EPB41L1: variants seen among roughly 807,000 people sequenced by gnomAD.
EPB41L1 encodes band 4.1-like protein 1.
EPB41L1 carries 29 observed loss-of-function variants against 97.8 expected under a neutral mutation model. The observed-to-expected ratio is 0.30, with a 90% CI of 0.22 to 0.40. The LOEUF (loss-of-function observed/expected upper bound fraction) is 0.40, where lower values mean the gene tolerates loss of function less well. Among genes scored for constraint, EPB41L1 ranks in the 10% least tolerant of loss-of-function variants. The probability of loss-of-function intolerance (pLI) is 1.00; values close to 1 mark genes in which losing one functional copy is unlikely to be tolerated. For missense variants in EPB41L1, 812 were observed against 1,162.3 expected (o/e 0.70, Z 4.38); for synonymous variants, 383 against 459.2 (o/e 0.83, Z 2.12).
intron 15 of EPB41L1, among the ~76,000 whole-genome samples, chr20:36,211,386 A>G (rs1437700278): frequency 6.6e-6 from 1 of 152,090 alleles, no homozygotes; most frequent in Admixed American, 6.6e-5. Flanking sequence ...ATCTCAAAAA[A>G]CAAAACAAAA....
At chr20:36,153,382 G>T (rs974869968), upstream of EPB41L1, among the ~76,000 whole-genome samples, 12 of 152,078 alleles carry the variant, frequency 7.9e-5, no homozygotes, top group African/African-American at 2.7e-4. Flanking sequence ...AAGGATGGAG[G>T]GCTCAGCTCA....
Position 36,206,685 on chromosome 20 carries a change from T to C in EPB41L1, c.1669-2803T>C, listed in dbSNP as rs1478516403. 2 of 1,289,148 alleles carry C rather than the reference T, an allele frequency of 1.6e-6. No homozygotes were observed. The highest frequency in any genetic ancestry group is 2.0e-6 in the Non-Finnish European group (2 of 988,716). 79.9% of individuals were successfully genotyped at this position (1,289,148 alleles called of 1,614,324 possible). On this transcript the variant is annotated intron_variant, in intron 14 of 21. Coordinates refer to ENST00000338074, the MANE Select transcript of EPB41L1 (RefSeq NM_012156.2). The surrounding 1 kb of genome is among the most constrained non-coding windows in gnomAD (Gnocchi z 5.5). ...AAGGGGCAGGGACCCCCAAGAACCA[T>C]GGAGGACCTGGTGACCTGAAGGGAT...
intron 2 of EPB41L1, among the ~76,000 whole-genome samples, chr20:36,115,182 G>A (rs796402871): frequency 3.2e-4 from 49 of 152,292 alleles, no homozygotes; most frequent in African/African-American, 1.2e-3. Flanking sequence ...TATCGATGAG[G>A]AAACTGAGGC....
intron 14 of EPB41L1, chr20:36,208,205 G>A (rs2062933022): frequency 2.9e-6 from 1 of 339,972 alleles, no homozygotes; most frequent in African/African-American, 2.2e-5. Flanking sequence ...AAAGTTGACA[G>A]TCCAGAGGTT....
At chr20:36,119,949 T>C (rs917875916) in intron 2 of EPB41L1, among the ~76,000 whole-genome samples, 6 of 152,154 alleles carry the variant, frequency 3.9e-5, no homozygotes, top group Non-Finnish European at 5.9e-5. Context: ...GTGAGCCTGA[T>C]AGAGGTGAAC....
chr20:36,150,465 C>G (rs2060007748), upstream of EPB41L1: 1 of 152,146 alleles, frequency 6.6e-6, no homozygotes, highest in East Asian at 1.9e-4. Context: ...TGCTCCATAG[C>G]AACTAGCCAT....
chr20:36,138,320 A>G (rs1002277377), intron 2 of EPB41L1, among the ~76,000 whole-genome samples: 2 of 148,682 alleles, frequency 1.3e-5, no homozygotes, highest in African/African-American at 2.5e-5. Flanking sequence ...GCTGGAGTGC[A>G]GTGGCACGAT....
intron 9 of EPB41L1, among the ~76,000 whole-genome samples, chr20:36,188,984 G>C (rs2061823203): frequency 6.6e-6 from 1 of 151,948 alleles, no homozygotes; most frequent in South Asian, 2.1e-4. Context: ...GTATTTAGGT[G>C]TTGTAAGTAT....
At chr20:36,178,198 A>T (rs2281579) in intron 4 of EPB41L1, 142 bp downstream of exon 4, 9,067 of 717,478 alleles carry the variant, frequency 0.013, 349 homozygotes, top group East Asian at 0.11. Flanking sequence ...AGCCCTATCC[A>T]CCTGCGGTTC....
At chr20:36,159,487 G>A (rs184431868) in intron 1 of EPB41L1, among the ~76,000 whole-genome samples, 1 of 152,332 alleles carries the variant, frequency 6.6e-6, no homozygotes, top group East Asian at 1.9e-4. Flanking sequence ...TGCGACAGAG[G>A]TGGGGCCGGG....
At chr20:36,210,004 C>CT (rs1600986578) in intron 15 of EPB41L1, 106 bp downstream of exon 15, 2 of 1,391,772 alleles carry the variant, frequency 1.4e-6, no homozygotes, top group Admixed American at 2.1e-5. Flanking sequence ...GCCTGAAGCT[C>CT]TGTCTCGTGT....
Position 36,190,451 on chromosome 20 carries a change from G to C in EPB41L1, c.1124+77G>C. 2 of 1,551,000 alleles carry C rather than the reference G, an allele frequency of 1.3e-6. No individual in the cohort carries two copies. The highest frequency in any genetic ancestry group is 1.8e-6 in the Non-Finnish European group (2 of 1,132,538). On this transcript the variant is annotated intron_variant, in intron 10 of 21. Transcript: ENST00000338074. The surrounding 1 kb of genome is among the most constrained non-coding windows in gnomAD (Gnocchi z 5.8). Reference sequence around the variant, plus strand: ...TGGAGGGGAGCAGGGGGAGGAGTTAGTGAGAACTCTAGGAAAGTCCTCCAC... The same window carrying C: ...TGGAGGGGAGCAGGGGGAGGAGTTACTGAGAACTCTAGGAAAGTCCTCCAC...
At chr20:36,113,303 G>A (rs751422726) in intron 2 of EPB41L1, among the ~76,000 whole-genome samples, 5 of 152,180 alleles carry the variant, frequency 3.3e-5, no homozygotes, top group Non-Finnish European at 7.3e-5. Context: ...GATGTTATTA[G>A]TAAGGCACAA....
chr20:36,178,569 C>A, intron 4 of EPB41L1, 61 bp from the exon 5 acceptor site: 1 of 1,538,050 alleles, frequency 6.5e-7, no homozygotes, highest in Non-Finnish European at 9.0e-7. Flanking sequence ...ATTTCTCTCT[C>A]TCAGCCCAGT....
chr20:36,176,122 G>A (rs41335246), intron 3 of EPB41L1, among the ~76,000 whole-genome samples: 1,851 of 152,228 alleles, frequency 0.012, 33 homozygotes, highest in African/African-American at 0.043. Flanking sequence ...CCTAGTGAAT[G>A]TCCCTGTCCA....
At chr20:36,203,824 C>T (rs1181879419) in intron 14 of EPB41L1, among the ~76,000 whole-genome samples, 1 of 152,120 alleles carries the variant, frequency 6.6e-6, no homozygotes, top group Non-Finnish European at 1.5e-5. Flanking sequence ...GGTTCTGATT[C>T]CCTGACAGAG....
chr20:36,219,834 A>T lies in EPB41L1; in HGVS notation c.2429A>T (p.His810Leu). The part of the protein sequence containing the change: ...AETLSTSTTT[H>L]VTKTVKGGFS... ...ACCCTCTCAACCTCCACCACCACCC[A>T]TGTCACCAAAGTGAGTAGCAGCAGG... The change falls in exon 19 of 22, where the codon CAT (histidine) becomes CTT (leucine). Residue 810 changes from histidine to leucine, a missense_variant. Physicochemically the swap from His to Leu is moderately conservative, Grantham distance 99 (BLOSUM62 -3). Coordinates refer to ENST00000338074, the MANE Select transcript of EPB41L1 (RefSeq NM_012156.2). 1.9e-6 allele frequency: 3 copies of T among 1,614,184 alleles called. No homozygotes were observed. The highest frequency in any genetic ancestry group is 1.7e-6 in the Non-Finnish European group (2 of 1,180,012).
Position 36,229,484 on chromosome 20 carries a change from G to T in EPB41L1, c.*144G>T. On this transcript the variant is annotated 3_prime_UTR_variant, in exon 22 of 22. Coordinates refer to ENST00000338074, the MANE Select transcript of EPB41L1 (RefSeq NM_012156.2). The stretch of plus-strand genomic sequence containing the variant: ...CTGATGAGAGACTGGGAAGGGAAAA[G>T]CATATATATATAGATATATAGAGAT... 1 of 769,740 alleles carries T rather than the reference G, an allele frequency of 1.3e-6. No homozygotes were observed. Among genetic ancestry groups the T allele is most frequent in the Admixed American group, 1.9e-5 (1 of 51,676 alleles). The allele number at this position is 769,740 out of a possible 1,614,324, so 47.7% of individuals were successfully genotyped here. A position where few individuals can be genotyped will look rare whatever the true frequency, so the allele number is the denominator to read the frequency against.
intron 1 of EPB41L1, among the ~76,000 whole-genome samples, chr20:36,101,025 G>C (rs1187833117): frequency 6.6e-6 from 1 of 152,132 alleles, no homozygotes; most frequent in Non-Finnish European, 1.5e-5. Context: ...TTATTGTTTT[G>C]TCTCTGGCCA....
Sources: allele counts gnomAD v4.1 joint callset (sites outside exome capture counted in the v4.1 genomes callset), GRCh38; gene constraint gnomAD v4.1.1; non-coding constraint Gnocchi (gnomAD v3.1); transcripts MANE v1.5; gene names NCBI Gene and HGNC (gene_info 2026-07-23, HGNC 2026-07-21).